Variants in CACNA2D3 observed in about 807,000 individuals in gnomAD.
CACNA2D3 encodes voltage-dependent calcium channel subunit alpha-2/delta-3.
A neutral mutation model predicts 160.6 loss-of-function variants in CACNA2D3; 60 were observed. The observed-to-expected ratio is 0.37, with a 90% CI of 0.30 to 0.46. The LOEUF (loss-of-function observed/expected upper bound fraction) is 0.46. Ranked by LOEUF, CACNA2D3 falls within the 20% of genes least tolerant of loss-of-function variation. The pLI is 1.00. For missense variants in CACNA2D3, 1,205 were observed against 1,365.0 expected (o/e 0.88, Z 1.85); for synonymous variants, 558 against 492.9 (o/e 1.13, Z -1.75).
intron 4 of CACNA2D3, among the ~76,000 whole-genome samples, chr3:54,449,217 A>G (rs1346728291): frequency 6.6e-6 from 1 of 152,186 alleles, no homozygotes; most frequent in African/African-American, 2.4e-5. Flanking sequence ...GACAAACCAC[A>G]AGAGAGAGAG....
intron 17 of CACNA2D3, among the ~76,000 whole-genome samples, chr3:54,847,939 C>T (rs1410393173): frequency 6.6e-6 from 1 of 152,174 alleles, no homozygotes; most frequent in Non-Finnish European, 1.5e-5. Flanking sequence ...ATGAAACAAT[C>T]AAACCCAAAT....
chr3:54,891,586 C>T, intron 25 of CACNA2D3, 136 bp downstream of exon 25: 2 of 685,772 alleles, frequency 2.9e-6, no homozygotes, highest in Non-Finnish European at 5.0e-6. Context: ...TGAGATTTTT[C>T]CTCTCTGTTC....
At position 54,493,060 on chromosome 3, in the gene CACNA2D3, C is replaced by CTTTTT. The variant is rs34225864; in HGVS notation, c.382-10402_382-10398dup. Among the ~76,000 whole-genome samples the CTTTTT allele has an allele frequency of 5.3e-4, 31 of 58,796 alleles. 6 individuals carry two copies. Among genetic ancestry groups the CTTTTT allele is most frequent in the African/African-American group, 2.2e-3 (29 of 13,018 alleles). 38.6% of individuals were successfully genotyped at this position (58,796 alleles called of 152,430 possible). The stretch of plus-strand genomic sequence containing the variant: ...TGTATGTGGGAGGTATTGCTCAAAA[C>CTTTTT]TTTTTTTTTTTTTTTTTTTTTTTTT... On this transcript the variant is annotated intron_variant, in intron 4 of 37. Coordinates refer to ENST00000474759, the MANE Select transcript of CACNA2D3 (RefSeq NM_018398.3).
intron 2 of CACNA2D3, among the ~76,000 whole-genome samples, chr3:54,303,749 C>A (rs1005660912): frequency 2.0e-5 from 3 of 151,596 alleles, no homozygotes; most frequent in African/African-American, 7.3e-5. Flanking sequence ...TTATTAGCTG[C>A]TATCTTGATC....
chr3:54,327,907 G>A (rs946946947), intron 3 of CACNA2D3, among the ~76,000 whole-genome samples: 2 of 152,112 alleles, frequency 1.3e-5, no homozygotes, highest in African/African-American at 2.4e-5. Flanking sequence ...ACATGTTGTG[G>A]ACATGTCAAT....
chr3:54,493,620 G>A (rs755884360), intron 4 of CACNA2D3, among the ~76,000 whole-genome samples: 8 of 152,028 alleles, frequency 5.3e-5, no homozygotes, highest in Non-Finnish European at 1.0e-4. Context: ...ATCTTGGCAC[G>A]TCCTAATCCT....
At chr3:54,150,426 C>T (rs1433140563) in intron 2 of CACNA2D3, among the ~76,000 whole-genome samples, 5 of 152,160 alleles carry the variant, frequency 3.3e-5, no homozygotes, top group Non-Finnish European at 4.4e-5. Flanking sequence ...TCTCCTCAGC[C>T]CCCTTCCCTC....
intron 27 of CACNA2D3, among the ~76,000 whole-genome samples, chr3:54,906,165 G>T (rs1700443937): frequency 6.6e-6 from 1 of 152,096 alleles, no homozygotes; most frequent in Non-Finnish European, 1.5e-5. Flanking sequence ...TTCCATTTGT[G>T]TGGCAGATAC....
intron 35 of CACNA2D3, among the ~76,000 whole-genome samples, chr3:55,051,082 C>G (rs1326535468): frequency 6.6e-6 from 1 of 151,766 alleles, no homozygotes; most frequent in African/African-American, 2.4e-5. Context: ...ATTTGATTGT[C>G]TGAAGCCTTC....
At chr3:54,687,266 G>T (rs1700481721) in intron 11 of CACNA2D3, among the ~76,000 whole-genome samples, 1 of 149,524 alleles carries the variant, frequency 6.7e-6, no homozygotes, top group Non-Finnish European at 1.5e-5. Context: ...TCAGCCTCCC[G>T]AGTAGCTGGG....
At chr3:54,670,676 G>T (rs949072141) in intron 11 of CACNA2D3, among the ~76,000 whole-genome samples, 1 of 152,200 alleles carries the variant, frequency 6.6e-6, no homozygotes, top group Non-Finnish European at 1.5e-5. Context: ...TCAGGGTCCT[G>T]TTCTTTCTTC....
chr3:54,197,076 A>T lies in CACNA2D3; in HGVS notation c.204+73482A>T, dbSNP rs6771301. Among the ~76,000 whole-genome samples the T allele has an allele frequency of 7.5e-3, 1,135 of 152,250 alleles. 19 individuals are homozygous for T. Among genetic ancestry groups the T allele is most frequent in the African/African-American group, 0.025 (1,025 of 41,536 alleles). On this transcript the variant is annotated intron_variant, in intron 2 of 37. Coordinates refer to ENST00000474759, the MANE Select transcript of CACNA2D3 (RefSeq NM_018398.3). ...CTTAAATTTTATCTTCAAGATTTAA[A>T]TTTTTTAAAGAGATTGCATCTCTGT...
chr3:54,662,294 A>G (rs1288650807), intron 11 of CACNA2D3, among the ~76,000 whole-genome samples: 2 of 152,106 alleles, frequency 1.3e-5, no homozygotes, highest in Non-Finnish European at 2.9e-5. Flanking sequence ...ACTTTCATGG[A>G]TGGAGCCTGA....
chr3:54,412,669 T>G (rs892174110), intron 4 of CACNA2D3, among the ~76,000 whole-genome samples: 4 of 149,544 alleles, frequency 2.7e-5, no homozygotes, highest in Non-Finnish European at 6.0e-5. Flanking sequence ...TCATTTACAC[T>G]TTATGTAATT....
intron 17 of CACNA2D3, among the ~76,000 whole-genome samples, chr3:54,847,907 A>T (rs1280751598): frequency 6.6e-6 from 1 of 152,220 alleles, no homozygotes; most frequent in African/African-American, 2.4e-5. Context: ...TATTTATTCC[A>T]AATTGGAAAG....
chr3:55,059,127 C>G (rs999185096), intron 35 of CACNA2D3, among the ~76,000 whole-genome samples: 1 of 152,158 alleles, frequency 6.6e-6, no homozygotes, highest in Non-Finnish European at 1.5e-5. Context: ...CCAGTGAATT[C>G]TTTATACTTT....
intron 2 of CACNA2D3, among the ~76,000 whole-genome samples, chr3:54,192,032 A>G (rs911304555): frequency 6.6e-6 from 1 of 151,690 alleles, no homozygotes; most frequent in South Asian, 2.1e-4. Flanking sequence ...CTTCTAGCAC[A>G]TTCATGGTCT....
chr3:54,422,066 C>T (rs1699843664), intron 4 of CACNA2D3, among the ~76,000 whole-genome samples: 1 of 151,868 alleles, frequency 6.6e-6, no homozygotes, highest in South Asian at 2.1e-4. Context: ...TTTAATATAT[C>T]CTTCGCTTCT....
chr3:54,124,093 A>G (rs1699537662), intron 2 of CACNA2D3, among the ~76,000 whole-genome samples: 1 of 152,204 alleles, frequency 6.6e-6, no homozygotes, highest in South Asian at 2.1e-4. Context: ...CAGGGCTAGG[A>G]TGCATTACAT....
Sources: gnomAD v4.1 joint callset for allele counts (sites outside exome capture counted in the v4.1 genomes callset) on GRCh38, gnomAD v4.1.1 for gene constraint, MANE v1.5 for transcripts, NCBI Gene and HGNC (gene_info 2026-07-23, HGNC 2026-07-21) for gene names.